RNF217: variants seen among roughly 807,000 people sequenced by gnomAD.
The protein encoded by RNF217 is E3 ubiquitin-protein ligase RNF217.
Under a neutral mutation model 57.8 loss-of-function variants are expected in RNF217, and 31 were observed. The ratio of observed to expected loss-of-function variants is 0.54; its 90% CI spans 0.40 to 0.72. RNF217 has a LOEUF of 0.72. Among genes scored for constraint, RNF217 ranks in the 30% least tolerant of loss-of-function variants. The probability of loss-of-function intolerance (pLI) is 0.00; values close to 1 mark genes in which losing one functional copy is unlikely to be tolerated. For missense variants in RNF217, 696 were observed against 708.3 expected (o/e 0.98, Z 0.20); for synonymous variants, 313 against 294.0 (o/e 1.06, Z -0.66).
intron 1 of RNF217, among the ~76,000 whole-genome samples, chr6:125,025,354 C>A (rs1289011425): frequency 6.6e-6 from 1 of 152,126 alleles, no homozygotes; most frequent in Non-Finnish European, 1.5e-5. Flanking sequence ...CCAAGGCACA[C>A]AATCCTAACG....
At chr6:125,000,150 T>TTAGTGC (rs1416764432) in intron 1 of RNF217, among the ~76,000 whole-genome samples, 1 of 152,190 alleles carries the variant, frequency 6.6e-6, no homozygotes, top group Non-Finnish European at 1.5e-5. Context: ...TTATTTTTTT[T>TTAGTGC]TAGTGCTTGG....
intron 1 of RNF217, among the ~76,000 whole-genome samples, chr6:125,000,614 A>G (rs1266670157): frequency 6.6e-6 from 1 of 152,096 alleles, no homozygotes; most frequent in East Asian, 1.9e-4. Context: ...ATTCTAGGAA[A>G]ATATGGTACA....
At position 125,086,075 on chromosome 6, in the gene RNF217, C is replaced by G. The variant is rs1788761173; in HGVS notation, c.*3138C>G. The G allele has an allele frequency of 6.6e-6, 1 of 151,876 alleles. No homozygotes were observed. The highest frequency in any genetic ancestry group is 1.5e-5 in the Non-Finnish European group (1 of 67,856). 9.4% of individuals were successfully genotyped at this position (151,876 alleles called of 1,614,324 possible). ...ACCCTTTTGCATATATTTTTGTCAC[C>G]TTGCATGAACATATCCATAAGGTTG... On this transcript the variant is annotated 3_prime_UTR_variant, in exon 6 of 6. Transcript: ENST00000521654.
intron 3 of RNF217, among the ~76,000 whole-genome samples, chr6:125,071,381 G>T (rs1788131405): frequency 6.6e-6 from 1 of 152,018 alleles, no homozygotes; most frequent in Admixed American, 6.6e-5. Context: ...GGACTGGGTT[G>T]CCAGCATTTT....
chr6:125,013,703 T>G (rs1012266116), intron 1 of RNF217, among the ~76,000 whole-genome samples: 1 of 152,116 alleles, frequency 6.6e-6, no homozygotes, highest in African/African-American at 2.4e-5. Context: ...ATACCAAGAA[T>G]ACTCCATATA....
At chr6:124,979,281 A>T (rs1483390635) in intron 1 of RNF217, among the ~76,000 whole-genome samples, 2 of 152,216 alleles carry the variant, frequency 1.3e-5, no homozygotes, top group African/African-American at 4.8e-5. Context: ...GAGTAGAAAA[A>T]GTTAGAACTT....
intron 2 of RNF217, among the ~76,000 whole-genome samples, chr6:125,056,985 G>A (rs1322471282): frequency 1.3e-4 from 20 of 152,142 alleles, no homozygotes; most frequent in Non-Finnish European, 2.9e-4. Flanking sequence ...AAATATGAAG[G>A]CCCGTTTCTG....
intron 1 of RNF217, among the ~76,000 whole-genome samples, chr6:125,010,117 A>G (rs970054721): frequency 2.6e-5 from 4 of 151,376 alleles, no homozygotes; most frequent in Non-Finnish European, 5.9e-5. Flanking sequence ...TGTTCTCTGC[A>G]TTTGATCCAT....
Position 125,076,843 on chromosome 6 carries a change from C to A in RNF217, c.1468C>A (p.Arg490=), listed in dbSNP as rs1421492466. The A allele has an allele frequency of 6.2e-7, 1 of 1,613,060 alleles. No individual in the cohort carries two copies. Among genetic ancestry groups the A allele is most frequent in the East Asian group, 2.2e-5 (1 of 44,836 alleles). Residue 490 remains arginine, a synonymous_variant, in exon 4 of 6, where the codon CGA becomes AGA. Transcript: ENST00000521654. The part of the protein sequence containing the change: ...PERPHLRRLV[R]GSVCAGKLFI... ...GAGACCTCATTTAAGGAGATTAGTG[C>A]GAGGGTCAGTCTGTGGTGAGTGTCT...
chr6:125,066,207 A>G (rs938863735), intron 3 of RNF217, among the ~76,000 whole-genome samples: 2 of 152,160 alleles, frequency 1.3e-5, no homozygotes, highest in African/African-American at 4.8e-5. Flanking sequence ...CCTAACTGGT[A>G]TCTCATTCTT....
At chr6:125,001,024 C>T (rs1217511228) in intron 1 of RNF217, among the ~76,000 whole-genome samples, 1 of 152,014 alleles carries the variant, frequency 6.6e-6, no homozygotes, top group Non-Finnish European at 1.5e-5. Flanking sequence ...CTGAAATATC[C>T]AATCACCAGC....
At chr6:125,029,879 A>T (rs931331707) in intron 1 of RNF217, among the ~76,000 whole-genome samples, 12 of 152,292 alleles carry the variant, frequency 7.9e-5, no homozygotes, top group African/African-American at 2.6e-4. Context: ...GTAGGGTGGG[A>T]TTCCCATAGG....
chr6:124,979,853 T>C (rs1370485056), intron 1 of RNF217, among the ~76,000 whole-genome samples: 2 of 152,178 alleles, frequency 1.3e-5, no homozygotes, highest in Non-Finnish European at 2.9e-5. Context: ...TAGGAGGCAA[T>C]TGCAGTAGTC....
At chr6:125,025,554 G>A (rs1786042372) in intron 1 of RNF217, among the ~76,000 whole-genome samples, 1 of 141,762 alleles carries the variant, frequency 7.1e-6, no homozygotes, top group Non-Finnish European at 1.5e-5. Flanking sequence ...AAGGAAGGAA[G>A]GAAGGAAGGA....
Position 124,962,807 on chromosome 6 carries a change from C to T in RNF217, c.263C>T (p.Ala88Val), listed in dbSNP as rs1195825596. 4.4e-6 allele frequency: 7 copies of T among 1,597,432 alleles called. No individual in the cohort carries two copies. Among genetic ancestry groups the T allele is most frequent in the Non-Finnish European group, 5.9e-6 (7 of 1,179,580 alleles). ...AAGAGCCGAGCACCGGCGCAGCCTG[C>T]GGGACTGGCACTCACCGGGCCTCTC... ...WSKSRAPAQP[A>V]GLALTGPLNP... The change falls in exon 1 of 6, where the codon GCG (alanine) becomes GTG (valine). Residue 88 changes from alanine to valine, a missense_variant. Coordinates refer to ENST00000521654, the MANE Select transcript of RNF217 (RefSeq NM_001286398.3). The surrounding 1 kb of genome is among the most constrained non-coding windows in gnomAD (Gnocchi z 4.6).
In RNF217 at chr6:124,971,416, G is replaced by T. The variant is rs1414701269; in HGVS notation, c.882+7990G>T. On this transcript the variant is annotated intron_variant, in intron 1 of 5. Coordinates refer to ENST00000521654, the MANE Select transcript of RNF217 (RefSeq NM_001286398.3). ...GGAAATCAAGAGGAATTTGGCTTAG[G>T]AAAGCTATGATTTGATTTGATTTAC... is the stretch of plus-strand genomic sequence containing the variant. 1.4e-4 allele frequency: 35 copies of T among 252,436 alleles called. No individual in the cohort carries two copies. The Admixed American group carries it at 1.6e-3, about 11-fold the overall frequency. 15.6% of individuals were successfully genotyped at this position (252,436 alleles called of 1,614,324 possible). A position where few individuals can be genotyped will look rare whatever the true frequency, so the allele number is the denominator to read the frequency against.
rs764838173 is a variant in RNF217, at chr6:125,009,317, G to A, written c.883-35894G>A. On this transcript the variant is annotated intron_variant, in intron 1 of 5. Coordinates refer to ENST00000521654, the MANE Select transcript of RNF217 (RefSeq NM_001286398.3). ...ATAGATGAAGAAGCCACATTTATTT[G>A]TGCTGCAGGAGCCCTTGTAATCTCT... The A allele has an allele frequency of 2.8e-6, 4 of 1,408,356 alleles. No individual in the cohort carries two copies. In the South Asian group the frequency reaches 4.6e-5, roughly 16 times the overall value. 87.2% of individuals were successfully genotyped at this position (1,408,356 alleles called of 1,614,324 possible).
Position 125,081,422 on chromosome 6 carries a change from CT to C in RNF217, c.1484-10del. Reference sequence around the variant, plus strand: ...TTTAAGACTCCTTAAATAATTTTGCCTTTTGTTTTCCAGCTGGAAAATTATT... The same window carrying C: ...TTTAAGACTCCTTAAATAATTTTGCCTTTGTTTTCCAGCTGGAAAATTATT... On this transcript the variant is annotated splice_polypyrimidine_tract_variant and intron_variant, in intron 4 of 5. Coordinates refer to ENST00000521654, the MANE Select transcript of RNF217 (RefSeq NM_001286398.3). 1 of 1,607,692 alleles carries C rather than the reference CT, an allele frequency of 6.2e-7. No homozygotes were observed. Among genetic ancestry groups the C allele is most frequent in the Non-Finnish European group, 8.5e-7 (1 of 1,175,898 alleles).
intron 3 of RNF217, among the ~76,000 whole-genome samples, chr6:125,064,086 A>C (rs1183446200): frequency 6.6e-6 from 1 of 152,184 alleles, no homozygotes; most frequent in East Asian, 1.9e-4. Flanking sequence ...TTAATGTTGC[A>C]TCTTATAGGT....
Sources: gnomAD v4.1 joint callset for allele counts (sites outside exome capture counted in the v4.1 genomes callset) on GRCh38, gnomAD v4.1.1 for gene constraint, Gnocchi (gnomAD v3.1) non-coding constraint, MANE v1.5 for transcripts, NCBI Gene and HGNC (gene_info 2026-07-23, HGNC 2026-07-21) for gene names.